Variants in NEGR1 observed in about 807,000 individuals in gnomAD.
NEGR1 encodes the protein neuronal growth regulator 1, also known as IgLON family member 4.
A neutral mutation model predicts 40.9 loss-of-function variants in NEGR1; 10 were observed. The observed-to-expected ratio is 0.24, with a 90% CI of 0.15 to 0.42. The LOEUF (loss-of-function observed/expected upper bound fraction) is 0.42, where lower values mean the gene tolerates loss of function less well. NEGR1 is among the 10% of genes least tolerant of loss of function. NEGR1 has a pLI of 1.00. For synonymous variants in NEGR1, 185 were observed against 166.8 expected (o/e 1.11, Z -0.84); for missense variants, 352 against 438.9 (o/e 0.80, Z 1.77).
intron 1 of NEGR1, among the ~76,000 whole-genome samples, chr1:72,124,121 C>G (rs576778503): frequency 6.8e-4 from 103 of 152,122 alleles, no homozygotes; most frequent in African/African-American, 2.4e-3. Context: ...TTGCTCATCT[C>G]TTGCCTTGAG....
chr1:72,248,695 T>G (rs1343811562), intron 1 of NEGR1, among the ~76,000 whole-genome samples: 5 of 150,632 alleles, frequency 3.3e-5, no homozygotes, highest in African/African-American at 1.2e-4. Context: ...GCTTCCTGGG[T>G]TCTCAGCCTC....
intron 1 of NEGR1, among the ~76,000 whole-genome samples, chr1:72,052,312 A>G (rs1250140468): frequency 6.6e-6 from 1 of 151,460 alleles, no homozygotes; most frequent in Non-Finnish European, 1.5e-5. Context: ...TTGGCTTTAA[A>G]ATTGAACACA....
At chr1:71,698,200 A>C in intron 3 of NEGR1, 61 bp from the exon 4 acceptor site, 2 of 1,481,398 alleles carry the variant, frequency 1.4e-6, no homozygotes, top group Non-Finnish European at 1.9e-6. Flanking sequence ...CAAGTAAAAC[A>C]ACAATTTCAT....
At chr1:71,907,139 A>G (rs1311918077) in intron 2 of NEGR1, among the ~76,000 whole-genome samples, 1 of 152,200 alleles carries the variant, frequency 6.6e-6, no homozygotes, top group African/African-American at 2.4e-5. Flanking sequence ...AAGAGAAAAT[A>G]TCATTTCAAA....
chr1:72,092,706 A>C (rs1293958453), intron 1 of NEGR1, among the ~76,000 whole-genome samples: 1 of 151,938 alleles, frequency 6.6e-6, no homozygotes, highest in Non-Finnish European at 1.5e-5. Flanking sequence ...GCTGGAGTGC[A>C]GTAGTATATC....
chr1:72,242,572 T>A (rs1462114892), intron 1 of NEGR1, among the ~76,000 whole-genome samples: 2 of 151,622 alleles, frequency 1.3e-5, no homozygotes, highest in Non-Finnish European at 3.0e-5. Context: ...TCTGAGGGGT[T>A]TAACAAATTC....
intron 1 of NEGR1, among the ~76,000 whole-genome samples, chr1:71,956,115 C>T (rs1037851887): frequency 7.9e-5 from 12 of 151,998 alleles, no homozygotes; most frequent in African/African-American, 1.2e-4. Context: ...TATGCTATTC[C>T]AACAAACTGA....
chr1:71,617,727 C>T (rs1201723959), intron 4 of NEGR1, among the ~76,000 whole-genome samples: 1 of 152,152 alleles, frequency 6.6e-6, no homozygotes, highest in Non-Finnish European at 1.5e-5. Flanking sequence ...AAATTACCAA[C>T]CAGGTTAAAA....
At chr1:71,549,205 C>T (rs1185044634) in intron 6 of NEGR1, among the ~76,000 whole-genome samples, 1 of 151,710 alleles carries the variant, frequency 6.6e-6, no homozygotes, top group South Asian at 2.1e-4. Flanking sequence ...ATACATTAGA[C>T]AATACTTCAG....
intron 1 of NEGR1, among the ~76,000 whole-genome samples, chr1:72,190,462 C>T (rs983793057): frequency 6.6e-6 from 1 of 151,432 alleles, no homozygotes; most frequent in African/African-American, 2.4e-5. Flanking sequence ...TAGAACTGAG[C>T]AAACATGGCT....
intron 2 of NEGR1, among the ~76,000 whole-genome samples, chr1:71,879,134 GAA>G (rs58438323): frequency 2.4e-3 from 332 of 135,996 alleles, no homozygotes; most frequent in African/African-American, 7.8e-3. Context: ...ACTCTGTCTC[GAA>G]AAAAAAAAAA....
chr1:72,164,051 A>G (rs1388167804), intron 1 of NEGR1, among the ~76,000 whole-genome samples: 1 of 151,866 alleles, frequency 6.6e-6, no homozygotes, highest in Non-Finnish European at 1.5e-5. Flanking sequence ...AAGCAGAAAC[A>G]AGAAGGTTGG....
chr1:71,641,166 C>T (rs571774600), intron 4 of NEGR1, among the ~76,000 whole-genome samples: 14 of 152,146 alleles, frequency 9.2e-5, no homozygotes, highest in Middle Eastern at 3.4e-3. Context: ...AGATTGTTTG[C>T]GTAGCAAAGA....
At chr1:72,242,508 A>G (rs1294109552) in intron 1 of NEGR1, among the ~76,000 whole-genome samples, 1 of 151,664 alleles carries the variant, frequency 6.6e-6, no homozygotes, top group Non-Finnish European at 1.5e-5. Context: ...TTAGGTCCCT[A>G]TGCTAGATAA....
chr1:71,468,887 C>T (rs1039722485), intron 6 of NEGR1: 5 of 151,952 alleles, frequency 3.3e-5, no homozygotes, highest in Admixed American at 3.3e-4. Context: ...TTTGCTTGAA[C>T]ATTGAACGTG....
chr1:71,524,596 A>G (rs1386645935), intron 6 of NEGR1, among the ~76,000 whole-genome samples: 5 of 151,578 alleles, frequency 3.3e-5, no homozygotes, highest in Non-Finnish European at 7.4e-5. Context: ...AAAAGGAAGT[A>G]TTTGTTCACC....
chr1:72,091,151 G>T (rs1040563113), intron 1 of NEGR1, among the ~76,000 whole-genome samples: 2 of 152,102 alleles, frequency 1.3e-5, no homozygotes, highest in Non-Finnish European at 2.9e-5. Flanking sequence ...AGGGACTGGG[G>T]ATGAGCATGA....
chr1:71,493,930 T>C (rs1646945748), intron 6 of NEGR1, among the ~76,000 whole-genome samples: 1 of 152,212 alleles, frequency 6.6e-6, no homozygotes, highest in Non-Finnish European at 1.5e-5. Context: ...TCTCCTTTCA[T>C]TCACTTATTC....
intron 3 of NEGR1, among the ~76,000 whole-genome samples, chr1:71,758,095 T>C (rs1209406121): frequency 6.6e-6 from 1 of 152,024 alleles, no homozygotes; most frequent in Non-Finnish European, 1.5e-5. Context: ...AGAAATATAC[T>C]CAGGCTAACA....
Sources: allele counts gnomAD v4.1 joint callset (sites outside exome capture counted in the v4.1 genomes callset), GRCh38; gene constraint gnomAD v4.1.1; transcripts MANE v1.5; gene names NCBI Gene and HGNC (gene_info 2026-07-23, HGNC 2026-07-21).